Variants in ILDR2 observed in about 807,000 individuals in gnomAD.
The protein encoded by ILDR2 is immunoglobulin-like domain-containing receptor 2.
ILDR2 carries 25 observed loss-of-function variants against 66.8 expected under a neutral mutation model. That is an observed-to-expected ratio of 0.37 (90% confidence interval 0.27 to 0.52). The LOEUF is 0.52. Ranked by LOEUF, ILDR2 falls within the 20% of genes least tolerant of loss-of-function variation. The probability of loss-of-function intolerance (pLI) is 0.88; values close to 1 mark genes in which losing one functional copy is unlikely to be tolerated. For synonymous variants in ILDR2, 367 were observed against 357.2 expected (o/e 1.03, Z -0.31); for missense variants, 827 against 876.8 (o/e 0.94, Z 0.72).
At chr1:166,933,444 T>G (rs1340084036) in intron 6 of ILDR2, 1 of 422,328 alleles carries the variant, frequency 2.4e-6, no homozygotes, top group Non-Finnish European at 3.2e-6. Flanking sequence ...AACTAGGTCC[T>G]TCAGGGCTGC....
In ILDR2 at chr1:166,975,353, G is replaced by C. The variant is rs954528993; in HGVS notation, c.-85C>G. On this transcript the variant is annotated 5_prime_UTR_variant, in exon 1 of 10. Coordinates refer to ENST00000271417, the MANE Select transcript of ILDR2 (RefSeq NM_199351.3). The stretch of plus-strand genomic sequence containing the variant: ...AGGATCGCTGTCACCCCGCGGCAGC[G>C]GGCGGCGGCGGAGCGGCGGGCACCG... The C allele has an allele frequency of 1.0e-5, 13 of 1,257,280 alleles. No individual in the cohort carries two copies. The highest frequency in any genetic ancestry group is 1.5e-5 in the African/African-American group (1 of 64,842). 77.9% of individuals were successfully genotyped at this position (1,257,280 alleles called of 1,614,324 possible).
At chr1:166,970,363 G>A (rs1274210695) in intron 1 of ILDR2, among the ~76,000 whole-genome samples, 1 of 152,072 alleles carries the variant, frequency 6.6e-6, no homozygotes, top group Non-Finnish European at 1.5e-5. Context: ...TCCCTTGATG[G>A]CTCTTCCTGG....
chr1:166,967,470 C>G (rs1663031016), intron 1 of ILDR2, among the ~76,000 whole-genome samples: 1 of 152,164 alleles, frequency 6.6e-6, no homozygotes, highest in Non-Finnish European at 1.5e-5. Flanking sequence ...TAACATATTT[C>G]TCCTGGCTGG....
At position 166,949,664 on chromosome 1, in the gene ILDR2, A is replaced by G. The variant is rs116892316; in HGVS notation, c.499+7069T>C. Among the ~76,000 whole-genome samples, 29 of 152,220 alleles carry G rather than the reference A, an allele frequency of 1.9e-4. No individual in the cohort carries two copies. In the East Asian group the frequency reaches 5.4e-3, roughly 28 times the overall value. ...CATCTTTGAAGGAACCACAAGCCCT[A>G]CTCCACTCTTCATTCAGTAGAATGA... On this transcript the variant is annotated intron_variant, in intron 3 of 9. Transcript: ENST00000271417.
chr1:166,936,573 A>G lies in ILDR2; in HGVS notation c.703+18T>C. Reference sequence around the variant, plus strand: ...TTTCTCTCGATCGCTCTGTCTCCCCAGCGGTCACTGTACTCACAGGCTTGA... The same window carrying G: ...TTTCTCTCGATCGCTCTGTCTCCCCGGCGGTCACTGTACTCACAGGCTTGA... On this transcript the variant is annotated intron_variant, in intron 5 of 9. Coordinates refer to ENST00000271417, the MANE Select transcript of ILDR2 (RefSeq NM_199351.3). This position sits in a 1 kb window ranked among gnomAD's most constrained non-coding sequence, Gnocchi z 5.0. The G allele has an allele frequency of 6.2e-7, 1 of 1,614,106 alleles. No individual in the cohort carries two copies. The highest frequency in any genetic ancestry group is 8.5e-7 in the Non-Finnish European group (1 of 1,179,992).
At chr1:166,971,655 T>C (rs897300463) in intron 1 of ILDR2, among the ~76,000 whole-genome samples, 1 of 151,922 alleles carries the variant, frequency 6.6e-6, no homozygotes, top group Admixed American at 6.6e-5. Flanking sequence ...AGAGATGAGG[T>C]TTCACTGTGT....
At position 166,909,760 on chromosome 1, in the gene ILDR2, AATATATATAAATATATATATTTAT is replaced by A. The variant is rs916640915; in HGVS notation, c.*9571_*9594del. ...ACATATATATATATATATATATATA[AATATATATAAATATATATATTTAT>A]ATATATATATATATATATATATCCT... On this transcript the variant is annotated 3_prime_UTR_variant, in exon 10 of 10. Coordinates refer to ENST00000271417, the MANE Select transcript of ILDR2 (RefSeq NM_199351.3). 8.0e-5 allele frequency: 5 copies of A among 62,748 alleles called. No homozygotes were observed. Among genetic ancestry groups the A allele is most frequent in the Non-Finnish European group, 1.4e-4 (5 of 36,374 alleles). 3.9% of individuals were successfully genotyped at this position (62,748 alleles called of 1,614,324 possible).
intron 2 of ILDR2, among the ~76,000 whole-genome samples, chr1:166,899,518 A>G (rs1457411578): frequency 6.6e-6 from 1 of 152,238 alleles, no homozygotes; most frequent in African/African-American, 2.4e-5. Flanking sequence ...TGATTGTGTA[A>G]GCTGTAATTG....
At chr1:166,951,623 T>A (rs922413644) in intron 3 of ILDR2, among the ~76,000 whole-genome samples, 7 of 152,204 alleles carry the variant, frequency 4.6e-5, no homozygotes, top group Non-Finnish European at 8.8e-5. Flanking sequence ...GTATCTTTTT[T>A]TCTAAAACAG....
In ILDR2 at chr1:166,921,526, C is replaced by G; in HGVS notation, c.1212-147G>C. On this transcript the variant is annotated intron_variant, in intron 8 of 9. Coordinates refer to ENST00000271417, the MANE Select transcript of ILDR2 (RefSeq NM_199351.3). The surrounding 1 kb of genome is among the most constrained non-coding windows in gnomAD (Gnocchi z 5.3). The stretch of plus-strand genomic sequence containing the variant: ...TCCGCTCCAGGCTGGATGAAGCATT[C>G]CAGGCTCCTCTCACACCCCAGAACG... 1.5e-6 allele frequency: 1 copy of G among 658,840 alleles called. No homozygotes were observed. Among genetic ancestry groups the G allele is most frequent in the Admixed American group, 3.0e-5 (1 of 33,032 alleles). The allele number at this position is 658,840 out of a possible 1,614,324, so 40.8% of individuals were successfully genotyped here.
At position 166,924,006 on chromosome 1, in the gene ILDR2, C is replaced by G. The variant is rs374695309; in HGVS notation, c.995-1197G>C. Among the ~76,000 whole-genome samples, 53 of 148,710 alleles carry G rather than the reference C, an allele frequency of 3.6e-4. No individual in the cohort carries two copies. In the East Asian group the frequency reaches 5.6e-3, roughly 16 times the overall value. On this transcript the variant is annotated intron_variant, in intron 7 of 9. Coordinates refer to ENST00000271417, the MANE Select transcript of ILDR2 (RefSeq NM_199351.3). ...GTCTCAGATTCCCTCTACTTTCCCCCCTTGCTATCCCCAAGAGTCCTTGGA... is the reference window on the plus strand; with the variant it reads ...GTCTCAGATTCCCTCTACTTTCCCCGCTTGCTATCCCCAAGAGTCCTTGGA...
intron 3 of ILDR2, among the ~76,000 whole-genome samples, chr1:166,941,731 C>A (rs1284693032): frequency 6.6e-6 from 1 of 152,056 alleles, no homozygotes; most frequent in East Asian, 1.9e-4. Flanking sequence ...CTTGTAAAAT[C>A]AGAAACTTTG....
intron 1 of ILDR2, among the ~76,000 whole-genome samples, chr1:166,964,155 T>A (rs1282003338): frequency 8.3e-5 from 12 of 145,226 alleles, no homozygotes; most frequent in South Asian, 2.1e-4. Context: ...AAAAAAAAAA[T>A]TTAAGAATTC....
At position 166,957,918 on chromosome 1, in the gene ILDR2, G is replaced by A. The variant is rs1305736908; in HGVS notation, c.230C>T (p.Ala77Val). ...CAGGTTTCTCTTGCTGAGAGATTGG[G>A]CCCGGGTAGAGGACATGCCCAAGGA... ...GESLGMSSTR[A>V]QSLSKRNLEW... Residue 77 changes from alanine (A) to valine (V), a missense_variant, in exon 2 of 10, where the codon GCC (alanine) becomes GTC (valine). Physicochemically the swap from Ala to Val is moderately conservative, Grantham distance 64. This residue lies in a region of ILDR2 where 437 missense variants were observed against 523.2 expected (regional missense o/e 0.84). Coordinates refer to ENST00000271417, the MANE Select transcript of ILDR2 (RefSeq NM_199351.3). The A allele has an allele frequency of 6.2e-7, 1 of 1,614,014 alleles. No individual in the cohort carries two copies. Among genetic ancestry groups the A allele is most frequent in the Non-Finnish European group, 8.5e-7 (1 of 1,180,024 alleles).
intron 1 of ILDR2, among the ~76,000 whole-genome samples, chr1:166,967,611 G>A (rs1663038912): frequency 6.6e-6 from 1 of 152,124 alleles, no homozygotes; most frequent in African/African-American, 2.4e-5. Context: ...ACAAAAATTA[G>A]CCGAGCATGG....
At chr1:166,934,721 C>T (rs1057349213) in intron 6 of ILDR2, among the ~76,000 whole-genome samples, 3 of 152,254 alleles carry the variant, frequency 2.0e-5, no homozygotes, top group East Asian at 3.8e-4. Flanking sequence ...GATTTCATCA[C>T]GCTGACCTTC....
At chr1:166,965,246 G>C (rs1365467333) in intron 1 of ILDR2, among the ~76,000 whole-genome samples, 1 of 152,020 alleles carries the variant, frequency 6.6e-6, no homozygotes, top group African/African-American at 2.4e-5. Context: ...TTTGGATTTT[G>C]CAATATTTGC....
rs529086136 is a variant in ILDR2, at chr1:166,971,078, T to A, written c.46+4145A>T. ...TGAAACCAGACCAACTAATGATCAT[T>A]CCCTATACCTCCCTTCCCACTGCAG... On this transcript the variant is annotated intron_variant, in intron 1 of 9. Transcript: ENST00000271417. Among the ~76,000 whole-genome samples the A allele has an allele frequency of 3.6e-4, 55 of 152,164 alleles. 1 individual carries two copies. The highest frequency in any genetic ancestry group is 1.3e-3 in the African/African-American group (54 of 41,496).
intron 3 of ILDR2, among the ~76,000 whole-genome samples, chr1:166,943,078 G>A (rs184344511): frequency 9.5e-4 from 144 of 152,328 alleles, no homozygotes; most frequent in Non-Finnish European, 1.6e-3. Context: ...ACAGGGTAGT[G>A]TAGGTGATAT....
Sources: gnomAD v4.1 joint callset for allele counts (sites outside exome capture counted in the v4.1 genomes callset) on GRCh38, gnomAD v4.1.1 for gene constraint, gnomAD v4.1.1 regional missense constraint, Gnocchi (gnomAD v3.1) non-coding constraint, MANE v1.5 for transcripts, NCBI Gene and HGNC (gene_info 2026-07-23, HGNC 2026-07-21) for gene names.